Variants in SOCS5 observed in about 807,000 individuals in gnomAD.
SOCS5 encodes the protein suppressor of cytokine signaling 5.
In SOCS5, 32 loss-of-function variants were observed where a neutral mutation model predicts 42.8. The ratio of observed to expected loss-of-function variants is 0.75; its 90% confidence interval spans 0.56 to 1.01. The LOEUF (loss-of-function observed/expected upper bound fraction) is 1.01, where lower values mean the gene tolerates loss of function less well. Ranked by LOEUF, SOCS5 falls within the 50% of genes least tolerant of loss-of-function variation. The probability of loss-of-function intolerance (pLI) is 0.00; values close to 1 mark genes in which losing one functional copy is unlikely to be tolerated. For missense variants in SOCS5, 627 were observed against 653.0 expected (o/e 0.96, Z 0.43); for synonymous variants, 283 against 229.6 (o/e 1.23, Z -2.10).
At position 46,699,534 on chromosome 2, in the gene SOCS5, G is replaced by T; in HGVS notation, c.-13+85G>T. 1 of 151,602 alleles carries T rather than the reference G, an allele frequency of 6.6e-6. No individual in the cohort carries two copies. The highest frequency in any genetic ancestry group is 1.9e-4 in the South Asian group (1 of 5,328). 9.4% of individuals were successfully genotyped at this position (151,602 alleles called of 1,614,324 possible). ...TCCGCGGCCGCCTCTCGGTGCCCCA[G>T]TGCCCGCGCCCGGCGCATTCCGCCC... On this transcript the variant is annotated intron_variant, in intron 1 of 1. Coordinates refer to ENST00000394861, the MANE Select transcript of SOCS5 (RefSeq NM_144949.3). This position sits in a 1 kb window ranked among gnomAD's most constrained non-coding sequence, Gnocchi z 4.8.
At chr2:46,749,892 T>C (rs1323987669) in intron 1 of SOCS5, among the ~76,000 whole-genome samples, 1 of 152,098 alleles carries the variant, frequency 6.6e-6, no homozygotes, top group Non-Finnish European at 1.5e-5. Flanking sequence ...CCAGAAGAAC[T>C]GAAAGAAAGA....
chr2:46,736,663 T>C (rs1400578971), intron 1 of SOCS5, among the ~76,000 whole-genome samples: 1 of 152,180 alleles, frequency 6.6e-6, no homozygotes, highest in Non-Finnish European at 1.5e-5. Context: ...ATCCTTCCTA[T>C]TTAAGGCTGA....
At chr2:46,747,737 A>G (rs1358524794) in intron 1 of SOCS5, among the ~76,000 whole-genome samples, 2 of 152,172 alleles carry the variant, frequency 1.3e-5, no homozygotes, top group East Asian at 1.9e-4. Context: ...TGTCTAGCAA[A>G]TAAAGTTTGC....
In SOCS5 at chr2:46,759,662, G is replaced by A. The variant is rs3768721; in HGVS notation, c.1132G>A (p.Gly378Arg). The A allele has an allele frequency of 2.6e-5, 42 of 1,614,070 alleles. No homozygotes were observed. The East Asian group carries it at 9.1e-4, about 35-fold the overall frequency. Residue 378 changes from glycine to arginine, a missense_variant, in exon 2 of 2, where the codon GGG becomes AGG. By Grantham distance (125) the Gly-to-Arg change is moderately radical. Coordinates refer to ENST00000394861, the MANE Select transcript of SOCS5 (RefSeq NM_144949.3). ...CLVPDLLQIT[G>R]NPCYWGVMDR... ...CGTGCCTGATTTGCTTCAAATTACAGGGAATCCCTGTTACTGGGGAGTGAT... is the reference window on the plus strand; with the variant it reads ...CGTGCCTGATTTGCTTCAAATTACAAGGAATCCCTGTTACTGGGGAGTGAT...
At chr2:46,715,899 C>T (rs1672727801) in intron 1 of SOCS5, among the ~76,000 whole-genome samples, 2 of 152,110 alleles carry the variant, frequency 1.3e-5, no homozygotes, top group Non-Finnish European at 2.9e-5. Context: ...CTTTCTCCTA[C>T]AGACTCTAAT....
intron 1 of SOCS5, among the ~76,000 whole-genome samples, chr2:46,739,931 G>A (rs1673331645): frequency 6.6e-6 from 1 of 152,130 alleles, no homozygotes; most frequent in African/African-American, 2.4e-5. Flanking sequence ...ACCAGTTTAG[G>A]AAATAATGCC....
chr2:46,746,142 T>C (rs141646374), intron 1 of SOCS5, among the ~76,000 whole-genome samples: 8 of 152,022 alleles, frequency 5.3e-5, no homozygotes, highest in Non-Finnish European at 8.8e-5. Context: ...GTAGACTGTT[T>C]AGGCATCTGA....
intron 1 of SOCS5, among the ~76,000 whole-genome samples, chr2:46,721,559 G>A (rs918674120): frequency 7.2e-5 from 11 of 152,142 alleles, no homozygotes; most frequent in Admixed American, 2.0e-4. Context: ...CATTTAAAAG[G>A]AGCCTAGTGC....
At chr2:46,753,537 G>T (rs1362095177) in intron 1 of SOCS5, among the ~76,000 whole-genome samples, 2 of 152,078 alleles carry the variant, frequency 1.3e-5, no homozygotes, top group African/African-American at 2.4e-5. Flanking sequence ...AAAGGGGTTC[G>T]ATCCAGACCC....
chr2:46,719,083 C>G (rs987675044), intron 1 of SOCS5, among the ~76,000 whole-genome samples: 1 of 152,090 alleles, frequency 6.6e-6, no homozygotes, highest in African/African-American at 2.4e-5. Context: ...AAAACTATTA[C>G]AAATCATGTT....
chr2:46,709,096 A>T (rs1432773831), intron 1 of SOCS5, among the ~76,000 whole-genome samples: 4 of 152,064 alleles, frequency 2.6e-5, no homozygotes, highest in African/African-American at 7.2e-5. Context: ...CGTGTTGGCC[A>T]GACGGTCTCA....
chr2:46,703,973 T>C (rs1339458178), intron 1 of SOCS5, among the ~76,000 whole-genome samples: 3 of 152,174 alleles, frequency 2.0e-5, no homozygotes, highest in Non-Finnish European at 4.4e-5. Context: ...ATTAGTTGCC[T>C]GCCTTTACAT....
At chr2:46,712,630 C>T (rs1319958885) in intron 1 of SOCS5, among the ~76,000 whole-genome samples, 2 of 152,214 alleles carry the variant, frequency 1.3e-5, no homozygotes, top group Non-Finnish European at 2.9e-5. Flanking sequence ...GCGTGAGCCA[C>T]TGTGCCCGGC....
intron 1 of SOCS5, among the ~76,000 whole-genome samples, chr2:46,705,702 A>G (rs1402459067): frequency 2.0e-5 from 3 of 152,244 alleles, no homozygotes; most frequent in Admixed American, 6.5e-5. Context: ...GGCTATTTAC[A>G]TGAGAACAGC....
At chr2:46,757,992 AT>A (rs1229385180) in intron 1 of SOCS5, among the ~76,000 whole-genome samples, 2 of 152,220 alleles carry the variant, frequency 1.3e-5, no homozygotes, top group African/African-American at 4.8e-5. Flanking sequence ...GAGGGAAGAT[AT>A]GGGTTTTTTA....
At chr2:46,710,338 G>A (rs1299535841) in intron 1 of SOCS5, among the ~76,000 whole-genome samples, 1 of 151,984 alleles carries the variant, frequency 6.6e-6, no homozygotes, top group Non-Finnish European at 1.5e-5. Context: ...GTAGAGATGG[G>A]GTTTCACCAC....
chr2:46,746,264 T>C (rs776240657), intron 1 of SOCS5, among the ~76,000 whole-genome samples: 4 of 152,134 alleles, frequency 2.6e-5, no homozygotes, highest in Non-Finnish European at 4.4e-5. Context: ...TTCTTATTAT[T>C]CACCACTCCC....
intron 1 of SOCS5, among the ~76,000 whole-genome samples, chr2:46,735,263 G>C (rs1054131474): frequency 1.3e-5 from 2 of 152,132 alleles, no homozygotes; most frequent in Non-Finnish European, 2.9e-5. Context: ...TTTGACCCTT[G>C]TCCTTATGGT....
chr2:46,713,173 T>C (rs1047751731), intron 1 of SOCS5, among the ~76,000 whole-genome samples: 1 of 152,134 alleles, frequency 6.6e-6, no homozygotes, highest in Non-Finnish European at 1.5e-5. Context: ...TTGGGCAACA[T>C]AGGCAGACCC....
Sources: allele counts gnomAD v4.1 joint callset (sites outside exome capture counted in the v4.1 genomes callset), GRCh38; gene constraint gnomAD v4.1.1; non-coding constraint Gnocchi (gnomAD v3.1); transcripts MANE v1.5; gene names NCBI Gene and HGNC (gene_info 2026-07-23, HGNC 2026-07-21).